ZFHX3: variants seen among roughly 807,000 people sequenced by gnomAD.
The protein encoded by ZFHX3 is zinc finger homeobox 3, also known as zinc finger homeobox protein 3.
In ZFHX3, 42 loss-of-function variants were observed where a neutral mutation model predicts 279.1. That is an observed-to-expected ratio of 0.15 (90% confidence interval 0.12 to 0.19). The LOEUF (loss-of-function observed/expected upper bound fraction) is 0.19, where lower values mean the gene tolerates loss of function less well. Ranked by LOEUF, ZFHX3 falls within the 10% of genes least tolerant of loss-of-function variation. The probability of loss-of-function intolerance (pLI) is 1.00; values close to 1 mark genes in which losing one functional copy is unlikely to be tolerated. For synonymous variants in ZFHX3, 2,293 were observed against 1,957.8 expected (o/e 1.17, Z -4.52); for missense variants, 4,981 against 4,754.0 (o/e 1.05, Z -1.40).
At chr16:73,531,754 G>A (rs2019808295) in intron 2 of ZFHX3, among the ~76,000 whole-genome samples, 1 of 149,814 alleles carries the variant, frequency 6.7e-6, no homozygotes, top group Non-Finnish European at 1.5e-5. Flanking sequence ...TTCCTTTGAT[G>A]GATGTGAACT....
intron 1 of ZFHX3, among the ~76,000 whole-genome samples, chr16:73,711,917 A>T (rs1351783731): frequency 1.3e-5 from 2 of 152,196 alleles, no homozygotes; most frequent in African/African-American, 4.8e-5. Flanking sequence ...ACAGCCCTTG[A>T]GGCCCTGGCC....
At chr16:73,357,018 C>T (rs1017261867) in intron 3 of ZFHX3, among the ~76,000 whole-genome samples, 7 of 151,938 alleles carry the variant, frequency 4.6e-5, no homozygotes, top group Non-Finnish European at 1.0e-4. Context: ...CAGCAGAGCT[C>T]AGCTCCAATT....
At chr16:73,641,029 A>G (rs543125572) in intron 2 of ZFHX3, among the ~76,000 whole-genome samples, 5 of 152,326 alleles carry the variant, frequency 3.3e-5, no homozygotes, top group African/African-American at 1.2e-4. Context: ...GCTCAAAGAC[A>G]ACAGGGAAGT....
intron 7 of ZFHX3, among the ~76,000 whole-genome samples, chr16:73,120,948 C>T (rs1041353665): frequency 6.6e-5 from 10 of 151,836 alleles, no homozygotes; most frequent in Admixed American, 2.0e-4. Flanking sequence ...GCCACTGTGC[C>T]GGGCCCCTAT....
chr16:72,885,838 T>C (rs528578550), intron 4 of ZFHX3, among the ~76,000 whole-genome samples: 35 of 152,282 alleles, frequency 2.3e-4, no homozygotes, highest in African/African-American at 7.9e-4. Context: ...AGCACAGCCA[T>C]GGATGGGGAG....
intron 1 of ZFHX3, among the ~76,000 whole-genome samples, chr16:73,706,432 G>T (rs934082108): frequency 3.4e-5 from 5 of 149,042 alleles, no homozygotes; most frequent in Non-Finnish European, 5.9e-5. Flanking sequence ...CTCCAGCCTG[G>T]GTGACAAGAG....
rs146369329 is a variant in ZFHX3 at position 73,343,384 on chromosome 16, T to C, written c.-1290-25048A>G. ...GCTGAATTCCAGCTCAGGTAAGTTA[T>C]AGCTGATCCTGAACATCTTGCTCCA... On this transcript the variant is annotated intron_variant, in intron 3 of 17. Transcript: ENST00000641206. Among the ~76,000 whole-genome samples, 119 of 152,276 alleles carry C rather than the reference T, an allele frequency of 7.8e-4. 1 individual carries two copies. Among genetic ancestry groups the C allele is most frequent in the African/African-American group, 2.6e-3 (108 of 41,556 alleles).
chr16:73,114,986 G>A (rs1232311522), intron 7 of ZFHX3, among the ~76,000 whole-genome samples: 1 of 151,972 alleles, frequency 6.6e-6, no homozygotes, highest in Non-Finnish European at 1.5e-5. Flanking sequence ...GGGGCCCCAG[G>A]CCCTTCTATA....
intron 1 of ZFHX3, among the ~76,000 whole-genome samples, chr16:72,981,776 G>T (rs1184636412): frequency 6.6e-6 from 1 of 151,964 alleles, no homozygotes; most frequent in Non-Finnish European, 1.5e-5. Context: ...TCTTCACGGG[G>T]ACCCCAATAT....
At chr16:73,842,337 G>A (rs1251734674) in intron 1 of ZFHX3, among the ~76,000 whole-genome samples, 1 of 152,116 alleles carries the variant, frequency 6.6e-6, no homozygotes, top group African/African-American at 2.4e-5. Flanking sequence ...GTAGGTCTTA[G>A]GTGAGCTGCT....
At chr16:73,449,510 A>T (rs894093955) in intron 3 of ZFHX3, among the ~76,000 whole-genome samples, 1 of 152,224 alleles carries the variant, frequency 6.6e-6, no homozygotes. Flanking sequence ...AATAACAACA[A>T]CAACAATAAT....
At chr16:73,413,377 G>T (rs1157307891) in intron 3 of ZFHX3, among the ~76,000 whole-genome samples, 1 of 152,148 alleles carries the variant, frequency 6.6e-6, no homozygotes, top group Non-Finnish European at 1.5e-5. Flanking sequence ...GGAGGATGAG[G>T]CTGGAAGAGT....
At chr16:73,594,238 T>C (rs2052026756) in intron 2 of ZFHX3, among the ~76,000 whole-genome samples, 2 of 152,104 alleles carry the variant, frequency 1.3e-5, no homozygotes, top group South Asian at 4.1e-4. Context: ...AAATTAAATT[T>C]TAAAAAGATA....
chr16:73,452,650 A>G (rs541807419), intron 3 of ZFHX3, among the ~76,000 whole-genome samples: 1 of 152,320 alleles, frequency 6.6e-6, no homozygotes, highest in African/African-American at 2.4e-5. Flanking sequence ...CCTACTCCCA[A>G]ACTAAGACAT....
At chr16:72,989,951 G>A (rs1963013666) in intron 1 of ZFHX3, among the ~76,000 whole-genome samples, 1 of 152,208 alleles carries the variant, frequency 6.6e-6, no homozygotes, top group African/African-American at 2.4e-5. Flanking sequence ...CAGGAAAAGA[G>A]AAAGCAGGAG....
intron 1 of ZFHX3, among the ~76,000 whole-genome samples, chr16:73,876,571 T>C (rs1305555763): frequency 6.6e-6 from 1 of 152,230 alleles, no homozygotes; most frequent in Admixed American, 6.5e-5. Context: ...CTTTTCTTTT[T>C]TTGCTTTTTG....
At chr16:72,940,612 C>T (rs928786302) in intron 3 of ZFHX3, among the ~76,000 whole-genome samples, 1 of 152,088 alleles carries the variant, frequency 6.6e-6, no homozygotes, top group Non-Finnish European at 1.5e-5. Context: ...ATACTGCCAG[C>T]GACAGAAGAC....
intron 1 of ZFHX3, among the ~76,000 whole-genome samples, chr16:73,848,518 T>C (rs1233000737): frequency 6.6e-6 from 1 of 152,152 alleles, no homozygotes; most frequent in Non-Finnish European, 1.5e-5. Context: ...TTTAAGAAAC[T>C]CTCAAGGCCA....
chr16:73,532,679 T>C (rs1283156487), intron 2 of ZFHX3, among the ~76,000 whole-genome samples: 2 of 152,080 alleles, frequency 1.3e-5, no homozygotes, highest in African/African-American at 4.8e-5. Flanking sequence ...TTCCTTATTG[T>C]AATGGGAATA....
Sources: gnomAD v4.1 joint callset for allele counts (sites outside exome capture counted in the v4.1 genomes callset) on GRCh38, gnomAD v4.1.1 for gene constraint, MANE v1.5 for transcripts, NCBI Gene and HGNC (gene_info 2026-07-23, HGNC 2026-07-21) for gene names.